SPINT2: variants seen among roughly 807,000 people sequenced by gnomAD.
SPINT2 encodes the protein serine peptidase inhibitor, Kunitz type 2, also known as kunitz-type protease inhibitor 2.
A neutral mutation model predicts 30.1 loss-of-function variants in SPINT2; 18 were observed. The ratio of observed to expected loss-of-function variants is 0.60; its 90% CI spans 0.41 to 0.89. The LOEUF is 0.89. Among genes scored for constraint, SPINT2 ranks in the 40% least tolerant of loss-of-function variants. The pLI is 0.00. For missense variants in SPINT2, 276 were observed against 334.3 expected, an observed-to-expected ratio of 0.83 and a Z score of 1.36; for synonymous variants, 139 against 137.9, an observed-to-expected ratio of 1.01 and a Z score of -0.05.
At chr19:38,275,299 CTG>C (rs1164431356) in intron 1 of SPINT2, among the ~76,000 whole-genome samples, 4 of 152,092 alleles carry the variant, frequency 2.6e-5, no homozygotes, top group African/African-American at 9.7e-5. Flanking sequence ...TTTTGTTACT[CTG>C]TGCATTTATA....
chr19:38,264,896 G>T lies in SPINT2; in HGVS notation c.4G>T (p.Ala2Ser). The change falls in exon 1 of 7, where the codon GCG becomes TCG. Residue 2 changes from alanine to serine, a missense_variant. Coordinates refer to ENST00000301244, the MANE Select transcript of SPINT2 (RefSeq NM_021102.4). M[A>S]QLCGLRRSRA... The stretch of plus-strand genomic sequence containing the variant: ...GCGCGTCTCGGCTGAGCTGGCCATG[G>T]CGCAGCTGTGCGGGCTGAGGCGGAG... 1 of 1,534,662 alleles carries T rather than the reference G, an allele frequency of 6.5e-7. No homozygotes were observed. Among genetic ancestry groups the T allele is most frequent in the Admixed American group, 2.0e-5 (1 of 50,924 alleles).
At chr19:38,283,564 G>A in intron 1 of SPINT2, 63 bp from the exon 2 acceptor site, 1 of 1,605,210 alleles carries the variant, frequency 6.2e-7, no homozygotes, top group African/African-American at 1.3e-5. Flanking sequence ...GTACAGGTCT[G>A]TGCGTGTCCT....
At chr19:38,278,836 G>T (rs1968548224) in intron 1 of SPINT2, among the ~76,000 whole-genome samples, 1 of 152,080 alleles carries the variant, frequency 6.6e-6, no homozygotes, top group Non-Finnish European at 1.5e-5. Context: ...GCAGAACAGT[G>T]AATGAGAAAA....
intron 1 of SPINT2, among the ~76,000 whole-genome samples, chr19:38,268,142 G>A (rs1968402235): frequency 6.6e-6 from 1 of 151,998 alleles, no homozygotes; most frequent in South Asian, 2.1e-4. Flanking sequence ...CTCAGGGGTC[G>A]GGGCTTCTTG....
intron 1 of SPINT2, among the ~76,000 whole-genome samples, chr19:38,269,649 C>T (rs1230160626): frequency 4.2e-5 from 6 of 141,222 alleles, no homozygotes; most frequent in Non-Finnish European, 7.6e-5. Flanking sequence ...CTCGCTCTGT[C>T]GCCCAGGCCG....
chr19:38,284,786 C>A (rs763971855), intron 2 of SPINT2, among the ~76,000 whole-genome samples: 1 of 152,152 alleles, frequency 6.6e-6, no homozygotes, highest in Non-Finnish European at 1.5e-5. Context: ...CTTGCTCTGT[C>A]GCCCAAGTTG....
chr19:38,290,062 G>C lies in SPINT2; in HGVS notation c.392-57G>C, dbSNP rs926121649. The stretch of plus-strand genomic sequence containing the variant: ...AGCCTCCTCAGGCACTTTCTGGCTT[G>C]CTTCCCCTCCTTGCGGGCCCTACTA... On this transcript the variant is annotated intron_variant, in intron 4 of 6. Coordinates refer to ENST00000301244, the MANE Select transcript of SPINT2 (RefSeq NM_021102.4). This position sits in a 1 kb window ranked among gnomAD's most constrained non-coding sequence, Gnocchi z 4.3. 1.2e-6 allele frequency: 2 copies of C among 1,604,314 alleles called. No individual in the cohort carries two copies. Among genetic ancestry groups the C allele is most frequent in the Admixed American group, 1.7e-5 (1 of 59,988 alleles).
intron 6 of SPINT2, chr19:38,291,025 A>G (rs1968711664): frequency 4.3e-6 from 1 of 233,226 alleles, no homozygotes; most frequent in Admixed American, 5.1e-5. Flanking sequence ...GTTGCAGGTG[A>G]TAATGTTGGC....
intron 1 of SPINT2, among the ~76,000 whole-genome samples, chr19:38,276,903 C>T (rs1261255707): frequency 2.0e-5 from 3 of 151,442 alleles, no homozygotes; most frequent in East Asian, 4.0e-4. Context: ...TGGGTTCAAG[C>T]GATTCTCCTG....
chr19:38,283,010 T>G (rs1050077542), intron 1 of SPINT2, among the ~76,000 whole-genome samples: 9 of 152,016 alleles, frequency 5.9e-5, no homozygotes, highest in Non-Finnish European at 1.2e-4. Context: ...TTTTGTTTTT[T>G]TTTTTTTAAG....
rs570001669 is a variant in SPINT2 at position 38,291,705 on chromosome 19, G to C, written c.593-135G>C. ...TGTGTCCTCTCCAGCTGCAGTTCTG[G>C]ACCCTGTCTGGGTTGGGGAGGGGCA... On this transcript the variant is annotated intron_variant, in intron 6 of 6. Transcript: ENST00000301244. The C allele has an allele frequency of 2.0e-5, 22 of 1,086,482 alleles. No homozygotes were observed. The East Asian group carries it at 3.1e-4, about 15-fold the overall frequency. The allele number at this position is 1,086,482 out of a possible 1,614,324, so 67.3% of individuals were successfully genotyped here.
rs764058205 is a variant in SPINT2 at position 38,291,901 on chromosome 19, C to G, written c.654C>G (p.Val218=). ...TCCTCTTCCTGGGAGCCTCCATGGTCTACCTGATCCGGGTGGCACGGAGGA... is the reference window on the plus strand; with the variant it reads ...TCCTCTTCCTGGGAGCCTCCATGGTGTACCTGATCCGGGTGGCACGGAGGA... ...VLILFLGASM[V]YLIRVARRNQ... The change falls in exon 7 of 7, where the codon GTC becomes GTG. Residue 218 remains valine (V), a synonymous_variant. Coordinates refer to ENST00000301244, the MANE Select transcript of SPINT2 (RefSeq NM_021102.4). The G allele has an allele frequency of 1.1e-5, 18 of 1,613,872 alleles. No homozygotes were observed. The African/African-American group carries it at 2.1e-4, about 19-fold the overall frequency.
chr19:38,287,934 T>C lies in SPINT2; in HGVS notation c.336T>C (p.Ser112=). Residue 112 remains serine (S), a splice_region_variant and synonymous_variant, in exon 3 of 7, where the codon AGT becomes AGC. Transcript: ENST00000301244. ...SRNAADSSVP[S]APRRQDSEDH... ...ATGCAGCGGATTCCTCTGTCCCAAGTGGTAGGTTCTTAAAGAGACCCGCGA... is the reference window on the plus strand; with the variant it reads ...ATGCAGCGGATTCCTCTGTCCCAAGCGGTAGGTTCTTAAAGAGACCCGCGA... 7.4e-6 allele frequency: 12 copies of C among 1,614,030 alleles called. No individual in the cohort carries two copies. Among genetic ancestry groups the C allele is most frequent in the Non-Finnish European group, 1.0e-5 (12 of 1,179,970 alleles).
chr19:38,264,789 A>C lies in SPINT2; in HGVS notation c.-104A>C. The C allele has an allele frequency of 7.8e-7, 1 of 1,275,048 alleles. No homozygotes were observed. The highest frequency in any genetic ancestry group is 1.3e-5 in the South Asian group (1 of 75,824). 79.0% of individuals were successfully genotyped at this position (1,275,048 alleles called of 1,614,324 possible). ...ACCCTCCCGGAGCGTCGGCACCTGAACGCGAGGCGCTCCATTGCGCGTGCG... is the reference window on the plus strand; with the variant it reads ...ACCCTCCCGGAGCGTCGGCACCTGACCGCGAGGCGCTCCATTGCGCGTGCG... On this transcript the variant is annotated 5_prime_UTR_variant, in exon 1 of 7. Transcript: ENST00000301244.
At position 38,290,268 on chromosome 19, in the gene SPINT2, C is replaced by G; in HGVS notation, c.541C>G (p.Leu181Val). The change falls in exon 5 of 7, where the codon CTC becomes GTC. Residue 181 changes from leucine to valine, a missense_variant. Leu to Val is a conservative substitution (Grantham distance 32, BLOSUM62 1). Coordinates refer to ENST00000301244, the MANE Select transcript of SPINT2 (RefSeq NM_021102.4). This position sits in a 1 kb window ranked among gnomAD's most constrained non-coding sequence, Gnocchi z 4.3. ...NSYRSEEACM[L>V]RCFRQQENPP... ...CTACCGCTCTGAGGAGGCCTGCATG[C>G]TCCGCTGCTTCCGTAAGTCTGCAGC... 6.2e-7 allele frequency: 1 copy of G among 1,612,014 alleles called. No homozygotes were observed. Among genetic ancestry groups the G allele is most frequent in the Non-Finnish European group, 8.5e-7 (1 of 1,179,920 alleles).
intron 2 of SPINT2, 66 bp downstream of exon 2, chr19:38,283,863 A>C (rs1968611340): frequency 9.3e-7 from 1 of 1,071,714 alleles, no homozygotes; most frequent in Non-Finnish European, 1.3e-6. Flanking sequence ...TTTTTTTGAG[A>C]CGGAGTCTTG....
intron 1 of SPINT2, among the ~76,000 whole-genome samples, chr19:38,277,147 C>T (rs560182882): frequency 7.2e-5 from 11 of 152,282 alleles, no homozygotes; most frequent in African/African-American, 2.2e-4. Flanking sequence ...TACTCATCAG[C>T]ATATTTGAAA....
intron 1 of SPINT2, among the ~76,000 whole-genome samples, chr19:38,266,774 A>G (rs924283842): frequency 1.3e-5 from 2 of 152,158 alleles, no homozygotes; most frequent in Non-Finnish European, 2.9e-5. Context: ...CAGGAGAAAA[A>G]AGTGAATTGG....
chr19:38,291,252 C>G lies in SPINT2; in HGVS notation c.593-588C>G, dbSNP rs571444316. On this transcript the variant is annotated intron_variant, in intron 6 of 6. Transcript: ENST00000301244. ...GGGGGAGGCTGCCACAGGTCACACT[C>G]CTTAGCCGGATCCCCTCCTGAAGAA... is the stretch of plus-strand genomic sequence containing the variant. The G allele has an allele frequency of 9.6e-5, 16 of 166,614 alleles. No individual in the cohort carries two copies. In the East Asian group the frequency reaches 2.5e-3, roughly 26 times the overall value. The allele number at this position is 166,614 out of a possible 1,614,324, so 10.3% of individuals were successfully genotyped here.
Sources: gnomAD v4.1 joint callset for allele counts (sites outside exome capture counted in the v4.1 genomes callset) on GRCh38, gnomAD v4.1.1 for gene constraint, Gnocchi (gnomAD v3.1) non-coding constraint, MANE v1.5 for transcripts, NCBI Gene and HGNC (gene_info 2026-07-23, HGNC 2026-07-21) for gene names.